Variants in CEP170 observed in about 807,000 individuals in gnomAD.
The protein encoded by CEP170 is centrosomal protein 170, also known as centrosomal protein of 170 kDa.
In CEP170, 21 loss-of-function variants were observed where a neutral mutation model predicts 151.9. The observed-to-expected ratio is 0.14, with a 90% CI of 0.10 to 0.20. The LOEUF (loss-of-function observed/expected upper bound fraction) is 0.20, where lower values mean the gene tolerates loss of function less well. CEP170 is among the 10% of genes least tolerant of loss of function. The pLI is 1.00. For synonymous variants in CEP170, 356 were observed against 648.8 expected, an observed-to-expected ratio of 0.55 and a Z score of 6.86; for missense variants, 964 against 1,892.9, an observed-to-expected ratio of 0.51 and a Z score of 9.11.
At chr1:243,205,157 G>A (rs2148865853) in intron 4 of CEP170, among the ~76,000 whole-genome samples, 1 of 152,224 alleles carries the variant, frequency 6.6e-6, no homozygotes, top group East Asian at 1.9e-4. Context: ...CAACATTACT[G>A]GAATTCCCAG....
intron 2 of CEP170, among the ~76,000 whole-genome samples, chr1:243,223,255 A>G (rs1234373297): frequency 1.3e-5 from 2 of 152,232 alleles, no homozygotes; most frequent in African/African-American, 4.8e-5. Context: ...AGTACATAGG[A>G]AAAGGGCAGA....
intron 1 of CEP170, among the ~76,000 whole-genome samples, chr1:243,244,679 G>A (rs1295860229): frequency 1.3e-5 from 2 of 152,040 alleles, no homozygotes; most frequent in Non-Finnish European, 2.9e-5. Flanking sequence ...CCACGAGATC[G>A]AGGCTGCAGT....
At chr1:243,141,641 T>G (rs1255310807) in intron 15 of CEP170, among the ~76,000 whole-genome samples, 1 of 152,220 alleles carries the variant, frequency 6.6e-6, no homozygotes, top group Non-Finnish European at 1.5e-5. Context: ...ACCATTAATT[T>G]TGTATTACAT....
At chr1:243,160,511 G>C (rs575611677) in intron 13 of CEP170, among the ~76,000 whole-genome samples, 4 of 152,214 alleles carry the variant, frequency 2.6e-5, no homozygotes, top group Admixed American at 1.3e-4. Flanking sequence ...ATGATGTCTA[G>C]AGACTTAAAA....
At chr1:243,181,780 T>C (rs2059631402) in intron 10 of CEP170, among the ~76,000 whole-genome samples, 1 of 152,230 alleles carries the variant, frequency 6.6e-6, no homozygotes, top group Non-Finnish European at 1.5e-5. Flanking sequence ...TATTCCAAGA[T>C]GCTACATATT....
intron 1 of CEP170, chr1:243,253,068 C>T (rs757398191): frequency 4.6e-5 from 7 of 152,102 alleles, no homozygotes; most frequent in Non-Finnish European, 1.0e-4. Context: ...TTATAAAATA[C>T]TATTGATTTT....
At chr1:243,166,809 T>C (rs938374530) in intron 12 of CEP170, among the ~76,000 whole-genome samples, 1 of 152,116 alleles carries the variant, frequency 6.6e-6, no homozygotes, top group Admixed American at 6.6e-5. Flanking sequence ...TTTTGATATA[T>C]GTATACCATT....
intron 1 of CEP170, among the ~76,000 whole-genome samples, chr1:243,233,741 AATAT>A (rs1303987181): frequency 8.5e-5 from 12 of 140,406 alleles, no homozygotes; most frequent in Middle Eastern, 3.7e-3. Context: ...TCAAAAAAAA[AATAT>A]ATATATATAT....
intron 1 of CEP170, among the ~76,000 whole-genome samples, chr1:243,241,650 C>T (rs576631034): frequency 4.0e-5 from 6 of 151,792 alleles, no homozygotes; most frequent in South Asian, 2.1e-4. Flanking sequence ...ATTAGCTGGG[C>T]GTGGTGGCAG....
intron 15 of CEP170, among the ~76,000 whole-genome samples, chr1:243,141,819 T>C (rs2055866856): frequency 6.6e-6 from 1 of 152,230 alleles, no homozygotes. Context: ...TACATATGTA[T>C]TTCAATTTTT....
chr1:243,248,970 C>T (rs905813972), intron 1 of CEP170, among the ~76,000 whole-genome samples: 5 of 152,160 alleles, frequency 3.3e-5, no homozygotes, highest in African/African-American at 1.2e-4. Flanking sequence ...CTACAAGATG[C>T]TTCCTTACCT....
At chr1:243,179,225 C>T (rs2059459260) in intron 10 of CEP170, among the ~76,000 whole-genome samples, 1 of 152,172 alleles carries the variant, frequency 6.6e-6, no homozygotes, top group South Asian at 2.1e-4. Context: ...TCTAATTCCT[C>T]TAAAATTTAA....
rs529868807 is a variant in CEP170 at position 243,189,516 on chromosome 1, A to C, written c.1108+1502T>G. 3.3e-5 allele frequency among the ~76,000 whole-genome samples: 5 copies of C among 150,716 alleles called. No individual in the cohort carries two copies. The South Asian group carries it at 6.3e-4, about 19-fold the overall frequency. On this transcript the variant is annotated intron_variant, in intron 8 of 19. Transcript: ENST00000366542. The stretch of plus-strand genomic sequence containing the variant: ...GCTTGCAGTGAGCCGAGATCGCGCC[A>C]CTGCACTCCAGCCTGAGTGACAAAG...
At chr1:243,196,324 C>G (rs2060643794) in intron 7 of CEP170, among the ~76,000 whole-genome samples, 1 of 151,984 alleles carries the variant, frequency 6.6e-6, no homozygotes, top group Non-Finnish European at 1.5e-5. Context: ...AGTTGGGTGA[C>G]TTTGACAAGT....
In CEP170 at chr1:243,140,087, A is replaced by T; in HGVS notation, c.4080T>A (p.Asp1360Glu). 1.2e-6 allele frequency: 2 copies of T among 1,613,878 alleles called. No homozygotes were observed. Among genetic ancestry groups the T allele is most frequent in the Non-Finnish European group, 1.7e-6 (2 of 1,179,782 alleles). Reference protein sequence around the residue: ...TREELVDRVFDESLNFRKIPP... With the variant: ...TREELVDRVFEESLNFRKIPP... ...GAATCTTTCGGAAGTTGAGGCTTTC[A>T]TCAAAAACACGATCAACCAACTAAT... is the stretch of plus-strand genomic sequence containing the variant. The change falls in exon 16 of 20, where the codon GAT becomes GAA. Residue 1360 changes from aspartate (D) to glutamate (E), a missense_variant. Physicochemically the swap from Asp to Glu is conservative, Grantham distance 45. Transcript: ENST00000366542.
chr1:243,251,358 A>T (rs2065918587), intron 1 of CEP170, among the ~76,000 whole-genome samples: 1 of 152,206 alleles, frequency 6.6e-6, no homozygotes, highest in Non-Finnish European at 1.5e-5. Flanking sequence ...TTAACTTACT[A>T]AAAAAGATGA....
chr1:243,225,982 T>G (rs1452097237), intron 1 of CEP170, among the ~76,000 whole-genome samples: 1 of 147,338 alleles, frequency 6.8e-6, no homozygotes, highest in Non-Finnish European at 1.5e-5. Flanking sequence ...TATCTATCTA[T>G]CTATATATAT....
intron 1 of CEP170, among the ~76,000 whole-genome samples, chr1:243,232,649 A>T (rs2063860904): frequency 1.3e-5 from 2 of 152,234 alleles, no homozygotes; most frequent in South Asian, 4.1e-4. Context: ...AGCCTGCGGA[A>T]TCCAGACACT....
chr1:243,204,127 C>T (rs1396475241), intron 4 of CEP170, among the ~76,000 whole-genome samples: 3 of 151,948 alleles, frequency 2.0e-5, no homozygotes. Flanking sequence ...TGAGAAATGT[C>T]CTCTATTTTT....
Sources: allele counts gnomAD v4.1 joint callset (sites outside exome capture counted in the v4.1 genomes callset), GRCh38; gene constraint gnomAD v4.1.1; transcripts MANE v1.5; gene names NCBI Gene and HGNC (gene_info 2026-07-23, HGNC 2026-07-21).